Variants in PUS10 observed in about 807,000 individuals in gnomAD.
The protein encoded by PUS10 is tRNA pseudouridine synthase Pus10.
Under a neutral mutation model 75.0 loss-of-function variants are expected in PUS10, and 59 were observed. That is an observed-to-expected ratio of 0.79 (90% CI 0.64 to 0.98). The LOEUF (loss-of-function observed/expected upper bound fraction) is 0.98, where lower values mean the gene tolerates loss of function less well. PUS10 is among the 50% of genes least tolerant of loss of function. The pLI is 0.00. For missense variants in PUS10, 650 were observed against 614.4 expected, an observed-to-expected ratio of 1.06 and a Z score of -0.61; for synonymous variants, 219 against 211.6, an observed-to-expected ratio of 1.03 and a Z score of -0.30.
intron 4 of PUS10, among the ~76,000 whole-genome samples, chr2:60,981,251 C>G (rs1677371544): frequency 6.6e-6 from 1 of 151,448 alleles, no homozygotes; most frequent in Non-Finnish European, 1.5e-5. Context: ...TTATAGCTAT[C>G]AATATTTACC....
intron 2 of PUS10, 145 bp from the exon 3 acceptor site, chr2:61,009,160 A>C: frequency 1.5e-6 from 1 of 661,406 alleles, no homozygotes; most frequent in Non-Finnish European, 2.5e-6. Flanking sequence ...GAAGCAATCC[A>C]GTTATTAGCC....
chr2:61,016,617 G>GT (rs1679995268), intron 1 of PUS10, among the ~76,000 whole-genome samples: 1 of 152,164 alleles, frequency 6.6e-6, no homozygotes, highest in Admixed American at 6.5e-5. Context: ...CGCCTTTCAT[G>GT]TGTCAGGCTC....
chr2:60,956,798 A>AC (rs1221598354), intron 11 of PUS10, among the ~76,000 whole-genome samples: 62 of 151,760 alleles, frequency 4.1e-4, no homozygotes, highest in Admixed American at 9.8e-4. Flanking sequence ...ACTTGGTGAA[A>AC]CCTGTCTCTA....
At chr2:60,981,663 A>G (rs1159321835) in intron 4 of PUS10, among the ~76,000 whole-genome samples, 1 of 152,252 alleles carries the variant, frequency 6.6e-6, no homozygotes, top group Non-Finnish European at 1.5e-5. Context: ...CTTTTCTTGA[A>G]AAATATATTT....
At chr2:61,013,692 C>G (rs1438305445) in intron 1 of PUS10, among the ~76,000 whole-genome samples, 3 of 152,164 alleles carry the variant, frequency 2.0e-5, no homozygotes. Context: ...TTATATAATA[C>G]TGGACTACCC....
Position 60,948,066 on chromosome 2 carries a change from G to T in PUS10, c.1428C>A (p.Leu476=). The T allele has an allele frequency of 6.2e-7, 1 of 1,614,128 alleles. No individual in the cohort carries two copies. Among genetic ancestry groups the T allele is most frequent in the Non-Finnish European group, 8.5e-7 (1 of 1,180,004 alleles). ...ACGTGCCAGCCTGAGTTTTCAAGTG[G>T]AGGCGGAAGTGGTGCTCATCCACGT... ...TQYVDEHHFR[L]HLKTQAGTYI... is the part of the protein sequence containing the mutation. Residue 476 remains leucine (L), a synonymous_variant, in exon 16 of 18, where the codon CTC becomes CTA. Transcript: ENST00000316752.
chr2:60,944,875 C>A (rs1471068109), intron 17 of PUS10, 134 bp downstream of exon 17: 1 of 637,696 alleles, frequency 1.6e-6, no homozygotes, highest in Non-Finnish European at 2.8e-6. Flanking sequence ...CCCTTCAATA[C>A]AATGTTACTG....
chr2:60,976,713 C>G (rs1364068155), intron 4 of PUS10, among the ~76,000 whole-genome samples: 3 of 152,194 alleles, frequency 2.0e-5, no homozygotes, highest in African/African-American at 7.2e-5. Context: ...GGCTTAAAGG[C>G]TGAATCTCAA....
At chr2:60,981,548 C>A (rs551090869) in intron 4 of PUS10, among the ~76,000 whole-genome samples, 1 of 152,352 alleles carries the variant, frequency 6.6e-6, no homozygotes, top group Non-Finnish European at 1.5e-5. Context: ...TCCCAAAGTG[C>A]TGGGATTATT....
At chr2:60,947,176 GCTAA>G (rs1205506063) in intron 16 of PUS10, among the ~76,000 whole-genome samples, 4 of 152,058 alleles carry the variant, frequency 2.6e-5, no homozygotes, top group South Asian at 2.1e-4. Flanking sequence ...TGAAAATGGT[GCTAA>G]CTAACTAATG....
intron 4 of PUS10, among the ~76,000 whole-genome samples, chr2:61,005,186 G>A (rs1474084979): frequency 3.9e-5 from 6 of 152,102 alleles, no homozygotes; most frequent in Non-Finnish European, 5.9e-5. Context: ...GCTTGAACCC[G>A]GGAGGCAGAG....
chr2:60,951,576 C>A (rs529048582), intron 15 of PUS10, among the ~76,000 whole-genome samples: 6 of 152,056 alleles, frequency 3.9e-5, no homozygotes, highest in African/African-American at 1.2e-4. Flanking sequence ...CACGAGGGTT[C>A]GTGCTTTTAT....
At chr2:60,980,289 T>C (rs1012389640) in intron 4 of PUS10, among the ~76,000 whole-genome samples, 1 of 152,230 alleles carries the variant, frequency 6.6e-6, no homozygotes, top group Non-Finnish European at 1.5e-5. Context: ...AGTGCAAATG[T>C]ACTCCCTCTT....
At chr2:60,998,701 A>G (rs1678646333) in intron 4 of PUS10, 1 of 151,716 alleles carries the variant, frequency 6.6e-6, no homozygotes, top group African/African-American at 2.4e-5. Flanking sequence ...AAAAAAAAAA[A>G]AGAAGACAAT....
At chr2:61,010,477 C>G (rs1679527262) in intron 2 of PUS10, 1 of 217,340 alleles carries the variant, frequency 4.6e-6, no homozygotes, top group Non-Finnish European at 9.5e-6. Flanking sequence ...CAGGCACCTG[C>G]CATGGCGCCC....
At chr2:60,994,191 G>A (rs1678302585) in intron 4 of PUS10, among the ~76,000 whole-genome samples, 2 of 151,678 alleles carry the variant, frequency 1.3e-5, no homozygotes, top group Non-Finnish European at 2.9e-5. Flanking sequence ...TTAAGAAAGA[G>A]GTTTCTGACA....
chr2:61,008,697 T>C, intron 3 of PUS10, 64 bp downstream of exon 3: 1 of 1,279,018 alleles, frequency 7.8e-7, no homozygotes, highest in Non-Finnish European at 1.1e-6. Flanking sequence ...GAAAAAAGAA[T>C]TCTTGGTTTT....
At position 61,008,973 on chromosome 2, in the gene PUS10, CTTTTTCAG is replaced by C; in HGVS notation, c.161_168del (p.Thr54ArgfsTer2). On this transcript the variant is annotated frameshift_variant, in exon 3 of 18. Transcript: ENST00000316752. LOFTEE classifies it high-confidence loss of function. ...TTCATAACTTCCAAAATTAATTCAT[CTTTTTCAG>C]TTTCCAGAAATTTCTGTAGTTCATT... is the stretch of plus-strand genomic sequence containing the variant. 6.2e-7 allele frequency: 1 copy of C among 1,612,412 alleles called. No homozygotes were observed. Among genetic ancestry groups the C allele is most frequent in the Non-Finnish European group, 8.5e-7 (1 of 1,179,414 alleles).
chr2:60,967,548 G>A lies in PUS10; in HGVS notation c.569C>T (p.Thr190Ile). Residue 190 changes from threonine to isoleucine, a missense_variant, in exon 6 of 18, where the codon ACT becomes ATT. Transcript: ENST00000316752. Reference protein sequence around the residue: ...VQLKEAYKWITHPLFSEELGV... With the variant: ...VQLKEAYKWIIHPLFSEELGV... ...CAGTTCCTCTGAAAACAGGGGGTGA[G>A]TTATCCATTTGTAGGCTTCTTTTAG... The A allele has an allele frequency of 1.2e-6, 2 of 1,609,690 alleles. No individual in the cohort carries two copies. Among genetic ancestry groups the A allele is most frequent in the Non-Finnish European group, 1.7e-6 (2 of 1,177,856 alleles).
Sources: allele counts gnomAD v4.1 joint callset (sites outside exome capture counted in the v4.1 genomes callset), GRCh38; gene constraint gnomAD v4.1.1; transcripts MANE v1.5; gene names NCBI Gene and HGNC (gene_info 2026-07-23, HGNC 2026-07-21).